DMBT1: variants seen among roughly 807,000 people sequenced by gnomAD.
DMBT1 encodes the protein deleted in malignant brain tumors 1.
In DMBT1, 198 loss-of-function variants were observed where a neutral mutation model predicts 252.9. The observed-to-expected ratio is 0.78, with a 90% CI of 0.70 to 0.88. The LOEUF (loss-of-function observed/expected upper bound fraction) is 0.88, where lower values mean the gene tolerates loss of function less well. DMBT1 is among the 40% of genes least tolerant of loss of function. The probability of loss-of-function intolerance (pLI) is 0.00; values close to 1 mark genes in which losing one functional copy is unlikely to be tolerated. For missense variants in DMBT1, 2,432 were observed against 2,404.7 expected (o/e 1.01, Z -0.24); for synonymous variants, 990 against 942.7 (o/e 1.05, Z -0.92).
intron 2 of DMBT1, among the ~76,000 whole-genome samples, chr10:122,567,505 A>G (rs1471424946): frequency 6.6e-6 from 1 of 152,084 alleles, no homozygotes; most frequent in East Asian, 1.9e-4. Flanking sequence ...TGGGAGGAAA[A>G]GCAACCTGCC....
rs2133678222 is a variant in DMBT1, at chr10:122,632,891, G to C, written c.6397+1G>C. On this transcript the variant is annotated splice_donor_variant, in intron 51 of 55. Coordinates refer to ENST00000338354, the MANE Select transcript of DMBT1 (RefSeq NM_001377530.1). LOFTEE classifies it high-confidence loss of function. ...TTTCTCAACATCACCCGTCCAAACA[G>C]TAAGTTCTGAGCTCCCTGACAAGTC... The C allele has an allele frequency of 1.2e-6, 2 of 1,613,860 alleles. No homozygotes were observed. Among genetic ancestry groups the C allele is most frequent in the Non-Finnish European group, 1.7e-6 (2 of 1,179,870 alleles).
intron 49 of DMBT1, 121 bp downstream of exon 49, chr10:122,631,402 C>A (rs981333995): frequency 3.2e-6 from 4 of 1,252,046 alleles, no homozygotes; most frequent in Non-Finnish European, 3.3e-6. Flanking sequence ...GTCCTCGTGG[C>A]CTGCGCACTC....
intron 2 of DMBT1, 82 bp downstream of exon 2, chr10:122,566,078 C>G: frequency 7.0e-7 from 1 of 1,437,644 alleles, no homozygotes; most frequent in Non-Finnish European, 9.8e-7. Flanking sequence ...AGGCTGAGCA[C>G]AGCTGAGGTC....
At chr10:122,597,889 A>T in intron 24 of DMBT1, 85 bp from the exon 25 acceptor site, 3 of 1,600,976 alleles carry the variant, frequency 1.9e-6, no homozygotes, top group Non-Finnish European at 2.6e-6. Flanking sequence ...AGTTTTCATG[A>T]TGTTTGCCTT....
chr10:122,578,519 G>A (rs1177843045), intron 8 of DMBT1, among the ~76,000 whole-genome samples, 199 bp from the exon 9 acceptor site: 1 of 152,178 alleles, frequency 6.6e-6, no homozygotes, highest in East Asian at 1.9e-4. Context: ...TCAGAGAGAG[G>A]TGGAAGGGCC....
rs1282487798 is a variant in DMBT1, at chr10:122,621,214, G to A, written c.5442G>A (p.Trp1814Ter). 3 of 1,613,866 alleles carry A rather than the reference G, an allele frequency of 1.9e-6. No homozygotes were observed. The highest frequency in any genetic ancestry group is 3.3e-5 in the Admixed American group (2 of 60,020). The stretch of plus-strand genomic sequence containing the variant: ...TCTGCAGGCAGCTGGGCTGTGGCTG[G>A]GCCATGTCGGCCCCAGGAAATGCCC... Reference protein sequence around the residue: ...NVVCRQLGCGWAMSAPGNARF... With the variant: ...NVVCRQLGCG The change falls in exon 44 of 56, where the codon TGG (tryptophan) becomes TGA (stop). Residue 1814 changes from tryptophan to a stop codon, truncating the protein, a stop_gained. Transcript: ENST00000338354. LOFTEE classifies it high-confidence loss of function.
chr10:122,633,900 G>A (rs1008596765), intron 52 of DMBT1, among the ~76,000 whole-genome samples: 21 of 152,230 alleles, frequency 1.4e-4, no homozygotes, highest in South Asian at 2.1e-4. Context: ...TTGGGAGGCC[G>A]AGGCAGGAGG....
At position 122,579,873 on chromosome 10, in the gene DMBT1, T is replaced by C. The variant is rs776711119; in HGVS notation, c.975T>C (p.His325=). The C allele has an allele frequency of 6.2e-7, 1 of 1,613,700 alleles. No homozygotes were observed. The highest frequency in any genetic ancestry group is 1.3e-5 in the African/African-American group (1 of 74,916). The change falls in exon 10 of 56, where the codon CAT becomes CAC. Residue 325 remains histidine (H), a synonymous_variant. Coordinates refer to ENST00000338354, the MANE Select transcript of DMBT1 (RefSeq NM_001377530.1). ...GCTGGCTCACCCACAACTGTGGCCA[T>C]AGTGAAGACGCTGGTGTCATCTGCT... ...HNGWLTHNCG[H]SEDAGVICSA... is the part of the protein sequence containing the mutation.
At chr10:122,637,364 C>A (rs945538078) in intron 54 of DMBT1, 52 bp downstream of exon 54, 3 of 1,502,704 alleles carry the variant, frequency 2.0e-6, no homozygotes, top group Non-Finnish European at 2.7e-6. Flanking sequence ...TTTCTTAGAG[C>A]GGTATGTCCT....
intron 52 of DMBT1, 143 bp from the exon 53 acceptor site, chr10:122,635,848 G>A (rs984322537): frequency 4.8e-6 from 4 of 826,836 alleles, no homozygotes; most frequent in African/African-American, 3.4e-5. Context: ...GAGCTACTGC[G>A]CCCAGCCAAG....
At chr10:122,631,731 G>C in intron 49 of DMBT1, 124 bp from the exon 50 acceptor site, 1 of 973,480 alleles carries the variant, frequency 1.0e-6, no homozygotes, top group Non-Finnish European at 1.6e-6. Flanking sequence ...TTGCTGGGTG[G>C]ACCTGGGGAC....
Position 122,599,015 on chromosome 10 carries a change from G to A in DMBT1, c.3198G>A (p.Glu1066=), listed in dbSNP as rs763600757. 2 of 1,613,814 alleles carry A rather than the reference G, an allele frequency of 1.2e-6. No homozygotes were observed. The highest frequency in any genetic ancestry group is 2.2e-5 in the South Asian group (2 of 91,078). The part of the protein sequence containing the change: ...VLDDVRCSGH[E]SYLWSCPHNG... ...ATGATGTGCGCTGCTCAGGACACGA[G>A]TCTTACCTGTGGAGCTGCCCCCACA... Residue 1066 remains glutamate, a synonymous_variant, in exon 26 of 56, where the codon GAG becomes GAA. Coordinates refer to ENST00000338354, the MANE Select transcript of DMBT1 (RefSeq NM_001377530.1).
chr10:122,588,454 C>T (rs1413566461), intron 16 of DMBT1, among the ~76,000 whole-genome samples: 1 of 148,828 alleles, frequency 6.7e-6, no homozygotes, highest in Admixed American at 6.7e-5. Context: ...TGGAGGGCTC[C>T]CTACTCCTAT....
chr10:122,635,372 G>T (rs1226600902), intron 52 of DMBT1, among the ~76,000 whole-genome samples: 1 of 152,106 alleles, frequency 6.6e-6, no homozygotes, highest in Non-Finnish European at 1.5e-5. Context: ...GAAGAAAAAT[G>T]GTCTAAATCA....
rs557280106 is a variant in DMBT1, at chr10:122,626,522, G to T, written c.5668+557G>T. ...CATACCTCACTAATTTTTCCTTTAG[G>T]ATATAAATGGGTTTACTGGACCAAA... On this transcript the variant is annotated intron_variant, in intron 46 of 55. Coordinates refer to ENST00000338354, the MANE Select transcript of DMBT1 (RefSeq NM_001377530.1). 4.1e-4 allele frequency among the ~76,000 whole-genome samples: 62 copies of T among 152,200 alleles called. 1 individual carries two copies. The South Asian group carries it at 0.012, about 30-fold the overall frequency.
At chr10:122,567,561 G>A (rs1206872882) in intron 2 of DMBT1, among the ~76,000 whole-genome samples, 2 of 152,110 alleles carry the variant, frequency 1.3e-5, no homozygotes, top group Non-Finnish European at 2.9e-5. Context: ...GTGACCACAA[G>A]TTTCTCATAA....
chr10:122,586,028 G>C (rs775983276), intron 15 of DMBT1, 32 bp from the exon 16 acceptor site: 1 of 1,587,522 alleles, frequency 6.3e-7, no homozygotes, highest in South Asian at 1.2e-5. Flanking sequence ...TCATGATAGG[G>C]ATGGATGAAG....
chr10:122,629,450 T>C (rs2098141922), intron 46 of DMBT1, among the ~76,000 whole-genome samples: 1 of 152,224 alleles, frequency 6.6e-6, no homozygotes, highest in Non-Finnish European at 1.5e-5. Context: ...GAACACACTG[T>C]GTTATGGAGT....
intron 5 of DMBT1, 84 bp from the exon 6 acceptor site, chr10:122,573,631 T>C (rs370318150): frequency 1.8e-5 from 27 of 1,524,016 alleles, no homozygotes; most frequent in Middle Eastern, 1.7e-4. Context: ...TTCCAGCCCT[T>C]GCTTCAGAGC....
Sources: gnomAD v4.1 joint callset for allele counts (sites outside exome capture counted in the v4.1 genomes callset) on GRCh38, gnomAD v4.1.1 for gene constraint, MANE v1.5 for transcripts, NCBI Gene and HGNC (gene_info 2026-07-23, HGNC 2026-07-21) for gene names.